Variants in RNF144B observed in about 807,000 individuals in gnomAD.
RNF144B encodes ring finger protein 144B.
A neutral mutation model predicts 40.2 loss-of-function variants in RNF144B; 25 were observed. The observed-to-expected ratio is 0.62, with a 90% CI of 0.45 to 0.87. RNF144B has a LOEUF of 0.87. Among genes scored for constraint, RNF144B ranks in the 40% least tolerant of loss-of-function variants. The probability of loss-of-function intolerance (pLI) is 0.00; values close to 1 mark genes in which losing one functional copy is unlikely to be tolerated. For synonymous variants in RNF144B, 145 were observed against 136.3 expected (o/e 1.06, Z -0.44); for missense variants, 365 against 373.7 (o/e 0.98, Z 0.19).
chr6:18,416,670 A>G lies in RNF144B; in HGVS notation c.166-10911A>G, dbSNP rs1425047264. ...GGGCTAAAGTATTTAAAGGCTCTCA[A>G]TCAGAGTTTTAAATTTTGCATATAT... On this transcript the variant is annotated intron_variant, in intron 2 of 7. Coordinates refer to ENST00000259939, the MANE Select transcript of RNF144B (RefSeq NM_182757.4). This position sits in a 1 kb window ranked among gnomAD's most constrained non-coding sequence, Gnocchi z 5.5. Among the ~76,000 whole-genome samples the G allele has an allele frequency of 1.3e-5, 2 of 152,174 alleles. No homozygotes were observed. Among genetic ancestry groups the G allele is most frequent in the Non-Finnish European group, 2.9e-5 (2 of 68,024 alleles).
At chr6:18,437,378 A>G (rs919463046) in intron 3 of RNF144B, among the ~76,000 whole-genome samples, 1 of 152,052 alleles carries the variant, frequency 6.6e-6, no homozygotes, top group Non-Finnish European at 1.5e-5. Flanking sequence ...GTTTAAGGCT[A>G]CCTGAGCTAT....
rs1305582588 is a variant in RNF144B, at chr6:18,408,956, T to C, written c.165+9257T>C. Reference sequence around the variant, plus strand: ...GAAAAGTGTTTTTTTTTTTTTTTTTTCTCTGCAAAATGAGCATCTCATGAC... The same window carrying C: ...GAAAAGTGTTTTTTTTTTTTTTTTTCCTCTGCAAAATGAGCATCTCATGAC... On this transcript the variant is annotated intron_variant, in intron 2 of 7. Coordinates refer to ENST00000259939, the MANE Select transcript of RNF144B (RefSeq NM_182757.4). Among the ~76,000 whole-genome samples the C allele has an allele frequency of 5.2e-5, 7 of 133,704 alleles. No individual in the cohort carries two copies. The South Asian group carries it at 7.4e-4, about 14-fold the overall frequency. 87.7% of individuals were successfully genotyped at this position (133,704 alleles called of 152,430 possible).
At chr6:18,462,202 T>A (rs1582451291) in intron 6 of RNF144B, among the ~76,000 whole-genome samples, 1 of 152,228 alleles carries the variant, frequency 6.6e-6, no homozygotes, top group East Asian at 1.9e-4. Context: ...CTCTTGCTAC[T>A]GACATTACTT....
chr6:18,408,317 T>G (rs2181801), intron 2 of RNF144B, among the ~76,000 whole-genome samples: 3,899 of 152,266 alleles, frequency 0.026, 72 homozygotes, highest in Middle Eastern at 0.044. Flanking sequence ...TTTCTTTTTC[T>G]TCATCATTTT....
In RNF144B at chr6:18,434,366, G is replaced by A. The variant is rs494402; in HGVS notation, c.271-5318G>A. Among the ~76,000 whole-genome samples, 31,972 of 151,986 alleles carry A rather than the reference G, an allele frequency of 0.21. 3,389 individuals carry two copies. The highest frequency in any genetic ancestry group is 0.25 in the East Asian group (1,292 of 5,140). On this transcript the variant is annotated intron_variant, in intron 3 of 7. Transcript: ENST00000259939. This position sits in a 1 kb window ranked among gnomAD's most constrained non-coding sequence, Gnocchi z 4.1. ...CCTTTTTTGCTTTGTTTTTTTCTGA[G>A]AGGGGGTAAGGTCAGTGTTAGTGTA...
At position 18,441,685 on chromosome 6, in the gene RNF144B, C is replaced by T. The variant is rs989205392; in HGVS notation, c.331+1941C>T. On this transcript the variant is annotated intron_variant, in intron 4 of 7. Coordinates refer to ENST00000259939, the MANE Select transcript of RNF144B (RefSeq NM_182757.4). This position sits in a 1 kb window ranked among gnomAD's most constrained non-coding sequence, Gnocchi z 4.9. The stretch of plus-strand genomic sequence containing the variant: ...TTTATTTTAAAATCGTAGCTAAGAC[C>T]CTGAGTGCAATTGCAGGCTCCACCA... Among the ~76,000 whole-genome samples, 1 of 152,034 alleles carries T rather than the reference C, an allele frequency of 6.6e-6. No homozygotes were observed. The highest frequency in any genetic ancestry group is 6.6e-5 in the Admixed American group (1 of 15,252).
chr6:18,421,535 T>C (rs1190928756), intron 2 of RNF144B, among the ~76,000 whole-genome samples: 2 of 152,034 alleles, frequency 1.3e-5, no homozygotes, highest in Admixed American at 1.3e-4. Flanking sequence ...CTTCTCTTCT[T>C]TTTTTCATTT....
At position 18,465,340 on chromosome 6, in the gene RNF144B, A is replaced by G. The variant is rs1759553017; in HGVS notation, c.*273A>G. 2.2e-6 allele frequency: 1 copy of G among 459,672 alleles called. No individual in the cohort carries two copies. Among genetic ancestry groups the G allele is most frequent in the Non-Finnish European group, 3.9e-6 (1 of 255,780 alleles). 28.5% of individuals were successfully genotyped at this position (459,672 alleles called of 1,614,324 possible). A position where few individuals can be genotyped will look rare whatever the true frequency, so the allele number is the denominator to read the frequency against. ...GAATGAACATATCATTTTATCATCC[A>G]AAGGATCTCACTGGACTGTTCAACT... On this transcript the variant is annotated 3_prime_UTR_variant, in exon 8 of 8. Transcript: ENST00000259939.
rs139829697 is a variant in RNF144B at position 18,406,433 on chromosome 6, A to G, written c.165+6734A>G. 1.5e-4 allele frequency among the ~76,000 whole-genome samples: 23 copies of G among 150,006 alleles called. No homozygotes were observed. The East Asian group carries it at 4.6e-3, about 30-fold the overall frequency. On this transcript the variant is annotated intron_variant, in intron 2 of 7. Coordinates refer to ENST00000259939, the MANE Select transcript of RNF144B (RefSeq NM_182757.4). The surrounding 1 kb of genome is among the most constrained non-coding windows in gnomAD (Gnocchi z 4.2). The stretch of plus-strand genomic sequence containing the variant: ...TGTGCTTGGTGTATCCTGTTACAGC[A>G]AAGGAGGCTGGTGTGGCTGGAAAAG...
intron 2 of RNF144B, among the ~76,000 whole-genome samples, chr6:18,420,189 A>T (rs1205566886): frequency 4.6e-5 from 7 of 151,588 alleles, no homozygotes; most frequent in Admixed American, 1.3e-4. Context: ...TATTTGCATT[A>T]TACTTACTAG....
intron 2 of RNF144B, among the ~76,000 whole-genome samples, chr6:18,403,322 C>T (rs1261866265): frequency 2.6e-5 from 4 of 152,072 alleles, no homozygotes; most frequent in Admixed American, 1.3e-4. Flanking sequence ...TTCTGTCAGC[C>T]GTGAATTAAG....
In RNF144B at chr6:18,419,728, G is replaced by A. The variant is rs1461376056; in HGVS notation, c.166-7853G>A. Among the ~76,000 whole-genome samples the A allele has an allele frequency of 6.6e-6, 1 of 152,136 alleles. No homozygotes were observed. Among genetic ancestry groups the A allele is most frequent in the East Asian group, 1.9e-4 (1 of 5,188 alleles). On this transcript the variant is annotated intron_variant, in intron 2 of 7. Transcript: ENST00000259939. The surrounding 1 kb of genome is among the most constrained non-coding windows in gnomAD (Gnocchi z 4.6). The stretch of plus-strand genomic sequence containing the variant: ...GAGTTGGGATGGGATTGGTGAAGGA[G>A]TGAGGGAAGACAACTCTTTCAAACA...
chr6:18,463,734 C>G (rs1759518800), intron 7 of RNF144B, among the ~76,000 whole-genome samples: 1 of 152,204 alleles, frequency 6.6e-6, no homozygotes, highest in Admixed American at 6.5e-5. Flanking sequence ...TTAGTCTGTT[C>G]TCACACTGCT....
At chr6:18,439,592 T>C in intron 3 of RNF144B, 92 bp from the exon 4 acceptor site, 1 of 880,374 alleles carries the variant, frequency 1.1e-6, no homozygotes, top group Non-Finnish European at 1.9e-6. Context: ...AGAGAAAGTA[T>C]AATAAGCAAA....
At chr6:18,451,982 A>G (rs1390641723) in intron 4 of RNF144B, among the ~76,000 whole-genome samples, 4 of 152,162 alleles carry the variant, frequency 2.6e-5, no homozygotes, top group African/African-American at 9.7e-5. Context: ...GTGGAGAGCT[A>G]TGGTCTAATA....
In RNF144B at chr6:18,387,729, A is replaced by G. The variant is rs1012627233; in HGVS notation, c.-37+99A>G. The G allele has an allele frequency of 2.9e-6, 3 of 1,052,146 alleles. No homozygotes were observed. In the South Asian group the frequency reaches 4.5e-5, roughly 16 times the overall value. The allele number at this position is 1,052,146 out of a possible 1,614,324, so 65.2% of individuals were successfully genotyped here. Reference sequence around the variant, plus strand: ...GACAGGAAACTCACTGTGACACCACAATTTTTCGATTTTCTGTCTCTAGTG... The same window carrying G: ...GACAGGAAACTCACTGTGACACCACGATTTTTCGATTTTCTGTCTCTAGTG... On this transcript the variant is annotated intron_variant, in intron 1 of 7. Coordinates refer to ENST00000259939, the MANE Select transcript of RNF144B (RefSeq NM_182757.4).
intron 4 of RNF144B, among the ~76,000 whole-genome samples, chr6:18,440,530 T>C (rs554163762): frequency 1.4e-4 from 21 of 152,188 alleles, no homozygotes; most frequent in Non-Finnish European, 2.8e-4. Context: ...TATGTATTCA[T>C]AAAGTCTAGA....
chr6:18,407,106 T>G (rs1794926745), intron 2 of RNF144B, among the ~76,000 whole-genome samples: 1 of 152,080 alleles, frequency 6.6e-6, no homozygotes, highest in Admixed American at 6.5e-5. Context: ...AGATGAGATT[T>G]GGGTGGGGAC....
chr6:18,427,597 T>C lies in RNF144B; in HGVS notation c.182T>C (p.Met61Thr). 1 of 1,613,514 alleles carries C rather than the reference T, an allele frequency of 6.2e-7. No homozygotes were observed. The highest frequency in any genetic ancestry group is 8.5e-7 in the Non-Finnish European group (1 of 1,179,558). Residue 61 changes from methionine (M) to threonine (T), a missense_variant, in exon 3 of 8, where the codon ATG (methionine) becomes ACG (threonine). Met to Thr is a moderately conservative substitution (Grantham distance 81). Coordinates refer to ENST00000259939, the MANE Select transcript of RNF144B (RefSeq NM_182757.4). ...AACTTCCAGTGCCTGAAACAGTACA[T>C]GCAGCTGGCAATCCGAGAAGGATGT... ...IFCTACLKQY[M>T]QLAIREGCGS... is the part of the protein sequence containing the mutation.
Sources: gnomAD v4.1 joint callset for allele counts (sites outside exome capture counted in the v4.1 genomes callset) on GRCh38, gnomAD v4.1.1 for gene constraint, Gnocchi (gnomAD v3.1) non-coding constraint, MANE v1.5 for transcripts, NCBI Gene and HGNC (gene_info 2026-07-23, HGNC 2026-07-21) for gene names.